The following RNF111 variants were observed in gnomAD, a reference collection of about 807,000 sequenced individuals.
RNF111 encodes E3 ubiquitin-protein ligase Arkadia.
A neutral mutation model predicts 95.1 loss-of-function variants in RNF111; 17 were observed. The ratio of observed to expected loss-of-function variants is 0.18; its 90% CI spans 0.12 to 0.27. The LOEUF is 0.27. RNF111 is among the 10% of genes least tolerant of loss of function. The pLI, the probability that RNF111 is intolerant of heterozygous loss-of-function variation, is 1.00. For synonymous variants in RNF111, 440 were observed against 414.8 expected (o/e 1.06, Z -0.74); for missense variants, 1,189 against 1,210.4 (o/e 0.98, Z 0.26).
At chr15:59,044,984 A>G (rs2041638721) in intron 2 of RNF111, among the ~76,000 whole-genome samples, 2 of 152,194 alleles carry the variant, frequency 1.3e-5, no homozygotes, top group Non-Finnish European at 2.9e-5. Flanking sequence ...AAGCAATAGA[A>G]TAAGAGTGCC....
chr15:59,066,766 G>T lies in RNF111; in HGVS notation c.1369G>T (p.Asp457Tyr). 1 of 1,609,788 alleles carries T rather than the reference G, an allele frequency of 6.2e-7. No homozygotes were observed. Among genetic ancestry groups the T allele is most frequent in the South Asian group, 1.1e-5 (1 of 90,842 alleles). Residue 457 changes from aspartate to tyrosine, a missense_variant and splice_region_variant, in exon 6 of 14, where the codon GAC (aspartate) becomes TAC (tyrosine). Asp to Tyr is a radical substitution (Grantham distance 160). Coordinates refer to ENST00000348370, the MANE Select transcript of RNF111 (RefSeq NM_017610.8). ...NSTTGTSIGDDSRRTTSSAVT... is the reference protein window; with the variant it reads ...NSTTGTSIGDYSRRTTSSAVT... The stretch of plus-strand genomic sequence containing the variant: ...TGTGCATTTTTTTCTGTTTCAAGAT[G>T]ACTCAAGGAGAACTACATCTAGTGC...
At chr15:59,079,405 GT>G (rs1356534285) in intron 7 of RNF111, among the ~76,000 whole-genome samples, 1 of 152,150 alleles carries the variant, frequency 6.6e-6, no homozygotes, top group Non-Finnish European at 1.5e-5. Context: ...TAGAAAATTG[GT>G]TTAAAAATTT....
chr15:59,067,591 G>C (rs1190137697), intron 6 of RNF111, among the ~76,000 whole-genome samples: 1 of 152,110 alleles, frequency 6.6e-6, no homozygotes, highest in African/African-American at 2.4e-5. Flanking sequence ...TTTTTAGATG[G>C]ACTAAATTAT....
At chr15:59,076,238 C>T (rs746782888) in intron 7 of RNF111, 23 bp downstream of exon 7, 1 of 1,601,830 alleles carries the variant, frequency 6.2e-7, no homozygotes, top group Non-Finnish European at 8.5e-7. Flanking sequence ...TTAGTGGACA[C>T]AAAATCTAGA....
intron 1 of RNF111, among the ~76,000 whole-genome samples, chr15:59,008,981 A>G (rs2039668381): frequency 2.0e-5 from 3 of 151,696 alleles, no homozygotes; most frequent in South Asian, 4.2e-4. Context: ...TTTTTTTGAG[A>G]CAGAGTCCCA....
intron 2 of RNF111, among the ~76,000 whole-genome samples, chr15:59,033,401 CT>C: frequency 6.6e-6 from 1 of 152,148 alleles, no homozygotes; most frequent in East Asian, 1.9e-4. Flanking sequence ...TACACAAATA[CT>C]TTTTTGAGAA....
intron 1 of RNF111, among the ~76,000 whole-genome samples, chr15:59,022,219 C>T (rs1371102349): frequency 6.6e-6 from 1 of 152,098 alleles, no homozygotes; most frequent in East Asian, 1.9e-4. Flanking sequence ...TGAAATTTTC[C>T]TCTTAGTGGT....
rs144425776 is a variant in RNF111, at chr15:59,083,677, TTACAG to T, written c.2298-449_2298-445del. On this transcript the variant is annotated intron_variant, in intron 8 of 13. Coordinates refer to ENST00000348370, the MANE Select transcript of RNF111 (RefSeq NM_017610.8). ...CATCCATTAAAATGGTTGAATGTCT[TTACAG>T]TATAAGAGTAAATGAAGCAAAATTA... 8.3e-3 allele frequency among the ~76,000 whole-genome samples: 1,259 copies of T among 152,304 alleles called. 22 individuals are homozygous for T. The highest frequency in any genetic ancestry group is 0.029 in the African/African-American group (1,218 of 41,562).
intron 5 of RNF111, among the ~76,000 whole-genome samples, chr15:59,065,707 G>A (rs1163105784): frequency 6.6e-6 from 1 of 152,098 alleles, no homozygotes; most frequent in Non-Finnish European, 1.5e-5. Context: ...GAGTCCAAAG[G>A]AAGGAAAAAA....
chr15:59,034,939 A>G lies in RNF111; in HGVS notation c.880+3237A>G, dbSNP rs533347389. On this transcript the variant is annotated intron_variant, in intron 2 of 13. Coordinates refer to ENST00000348370, the MANE Select transcript of RNF111 (RefSeq NM_017610.8). ...GTATTAATCCATTGTCACGCTGCTA[A>G]TAAAGACATACCCAAGACTGGGTAA... is the stretch of plus-strand genomic sequence containing the variant. Among the ~76,000 whole-genome samples, 17 of 152,350 alleles carry G rather than the reference A, an allele frequency of 1.1e-4. No homozygotes were observed. The South Asian group carries it at 3.5e-3, about 32-fold the overall frequency.
intron 7 of RNF111, 41 bp from the exon 8 acceptor site, chr15:59,080,895 C>T (rs764423284): frequency 9.0e-6 from 13 of 1,449,096 alleles, no homozygotes; most frequent in Non-Finnish European, 1.2e-5. Flanking sequence ...TGTTCAACTG[C>T]ATGGTGCCTA....
At chr15:59,043,515 C>T (rs1343027905) in intron 2 of RNF111, among the ~76,000 whole-genome samples, 5 of 152,142 alleles carry the variant, frequency 3.3e-5, no homozygotes, top group African/African-American at 1.2e-4. Context: ...TGTTTCTGCA[C>T]TGCCATTAGT....
At chr15:59,050,961 C>A (rs1248759105) in intron 2 of RNF111, among the ~76,000 whole-genome samples, 1 of 152,050 alleles carries the variant, frequency 6.6e-6, no homozygotes, top group Non-Finnish European at 1.5e-5. Context: ...TTGGTGATAG[C>A]TAGTTAGCTG....
chr15:59,094,983 T>C lies in RNF111; in HGVS notation c.*83T>C. On this transcript the variant is annotated 3_prime_UTR_variant, in exon 14 of 14. Coordinates refer to ENST00000348370, the MANE Select transcript of RNF111 (RefSeq NM_017610.8). ...TCAACCAAAGATGGCATGACTTACC[T>C]GCGCAGATTTGGAAGCATTGAACTT... is the stretch of plus-strand genomic sequence containing the variant. 3.6e-6 allele frequency: 3 copies of C among 830,962 alleles called. No individual in the cohort carries two copies. Among genetic ancestry groups the C allele is most frequent in the South Asian group, 1.4e-5 (1 of 72,750 alleles). 51.5% of individuals were successfully genotyped at this position (830,962 alleles called of 1,614,324 possible).
chr15:59,028,447 C>T (rs1463153043), intron 1 of RNF111, among the ~76,000 whole-genome samples: 1 of 151,978 alleles, frequency 6.6e-6, no homozygotes, highest in Non-Finnish European at 1.5e-5. Context: ...GAATAAGAGA[C>T]TAACAACAAC....
At chr15:59,032,574 A>G (rs1420354043) in intron 2 of RNF111, among the ~76,000 whole-genome samples, 1 of 152,056 alleles carries the variant, frequency 6.6e-6, no homozygotes, top group African/African-American at 2.4e-5. Flanking sequence ...GGCCCACACC[A>G]CCACACCTGG....
At position 59,031,518 on chromosome 15, in the gene RNF111, A is replaced by G. The variant is rs2040906277; in HGVS notation, c.696A>G (p.Ile232Met). ...SQRTQKQKERILMQRKKREVL... is the reference protein window; with the variant it reads ...SQRTQKQKERMLMQRKKREVL... Reference sequence around the variant, plus strand: ...GGACACAGAAACAAAAAGAGAGGATATTAATGCAGAGGAAGAAACGAGAAG... The same window carrying G: ...GGACACAGAAACAAAAAGAGAGGATGTTAATGCAGAGGAAGAAACGAGAAG... The change falls in exon 2 of 14, where the codon ATA becomes ATG. Residue 232 changes from isoleucine (I) to methionine (M), a missense_variant. By Grantham distance (10) the Ile-to-Met change is conservative. Around this residue, in one of 2 missense-constraint regions of RNF111, gnomAD observed 1,024 missense variants for 925.9 expected, o/e 1.11. Coordinates refer to ENST00000348370, the MANE Select transcript of RNF111 (RefSeq NM_017610.8). The G allele has an allele frequency of 1.9e-6, 3 of 1,614,110 alleles. No homozygotes were observed. Among genetic ancestry groups the G allele is most frequent in the South Asian group, 2.2e-5 (2 of 91,082 alleles).
intron 1 of RNF111, among the ~76,000 whole-genome samples, chr15:58,998,808 G>T (rs181724478): frequency 2.0e-5 from 3 of 152,176 alleles, no homozygotes; most frequent in South Asian, 4.1e-4. Context: ...GATTGGTTGT[G>T]TTATTAACAA....
intron 1 of RNF111, among the ~76,000 whole-genome samples, chr15:59,028,154 C>G (rs1379410188): frequency 6.6e-6 from 1 of 152,190 alleles, no homozygotes; most frequent in Non-Finnish European, 1.5e-5. Flanking sequence ...TAGTTGAATC[C>G]TCCGATGATC....
Sources: gnomAD v4.1 joint callset for allele counts (sites outside exome capture counted in the v4.1 genomes callset) on GRCh38, gnomAD v4.1.1 for gene constraint, gnomAD v4.1.1 regional missense constraint, MANE v1.5 for transcripts, NCBI Gene and HGNC (gene_info 2026-07-23, HGNC 2026-07-21) for gene names.